DOCK2: variants seen among roughly 807,000 people sequenced by gnomAD.
The protein encoded by DOCK2 is dedicator of cytokinesis 2.
DOCK2 carries 87 observed loss-of-function variants against 248.9 expected under a neutral mutation model. The ratio of observed to expected loss-of-function variants is 0.35; its 90% CI spans 0.29 to 0.42. The LOEUF (loss-of-function observed/expected upper bound fraction) is 0.42. Among genes scored for constraint, DOCK2 ranks in the 10% least tolerant of loss-of-function variants. The pLI is 1.00. For synonymous variants in DOCK2, 805 were observed against 821.6 expected (o/e 0.98, Z 0.35); for missense variants, 1,747 against 2,300.2 (o/e 0.76, Z 4.92).
intron 3 of DOCK2, among the ~76,000 whole-genome samples, chr5:169,670,255 G>A (rs1020568814): frequency 6.6e-6 from 1 of 152,190 alleles, no homozygotes; most frequent in African/African-American, 2.4e-5. Flanking sequence ...AGGATGAGTG[G>A]CCATAATGGG....
chr5:169,669,425 C>T, intron 3 of DOCK2, 97 bp downstream of exon 3: 2 of 1,349,520 alleles, frequency 1.5e-6, no homozygotes, highest in Non-Finnish European at 2.1e-6. Context: ...TGCTCCTCAG[C>T]AAAGGGAATC....
At chr5:169,945,406 A>G (rs996629781) in intron 27 of DOCK2, among the ~76,000 whole-genome samples, 1 of 152,282 alleles carries the variant, frequency 6.6e-6, no homozygotes, top group Admixed American at 6.5e-5. Context: ...CTCAGAGTGA[A>G]AAATCAGTGA....
At chr5:169,890,523 A>G (rs1406047905) in intron 27 of DOCK2, among the ~76,000 whole-genome samples, 4 of 152,204 alleles carry the variant, frequency 2.6e-5, no homozygotes, top group East Asian at 1.9e-4. Context: ...TCCAAATTAT[A>G]TATTCCAAAA....
chr5:169,654,493 C>T lies in DOCK2; in HGVS notation c.127+7C>T, dbSNP rs1314517485. The T allele has an allele frequency of 3.1e-6, 5 of 1,614,028 alleles. No individual in the cohort carries two copies. In the South Asian group the frequency reaches 4.4e-5, roughly 14 times the overall value. ...ATACAGGAGACGTGTGGAGGTGAGT[C>T]ACTGGCCCACGCCCCAAGTGCTGGA... is the stretch of plus-strand genomic sequence containing the variant. On this transcript the variant is annotated splice_region_variant and intron_variant, in intron 2 of 51. Coordinates refer to ENST00000520908, the MANE Select transcript of DOCK2 (RefSeq NM_004946.3).
chr5:169,879,031 G>A (rs922765088), intron 27 of DOCK2, among the ~76,000 whole-genome samples: 2 of 152,164 alleles, frequency 1.3e-5, no homozygotes, highest in African/African-American at 4.8e-5. Context: ...GAAGGAGTTA[G>A]ATAGAACCAG....
chr5:169,810,078 A>G (rs1440876215), intron 26 of DOCK2, among the ~76,000 whole-genome samples: 1 of 151,918 alleles, frequency 6.6e-6, no homozygotes, highest in Admixed American at 6.5e-5. Context: ...CCACCCCAGC[A>G]CAATGCCTGG....
At chr5:169,800,844 T>C (rs992348420) in intron 25 of DOCK2, among the ~76,000 whole-genome samples, 1 of 152,080 alleles carries the variant, frequency 6.6e-6, no homozygotes, top group African/African-American at 2.4e-5. Flanking sequence ...GGACTCAGCA[T>C]GTGCCCCTGG....
chr5:169,838,956 A>T (rs1049999458), intron 26 of DOCK2, among the ~76,000 whole-genome samples: 4 of 152,180 alleles, frequency 2.6e-5, no homozygotes, highest in Non-Finnish European at 1.5e-5. Context: ...CCCTACCCCA[A>T]CTGCAAATCT....
chr5:169,904,702 A>G (rs1177708349), intron 27 of DOCK2, among the ~76,000 whole-genome samples: 1 of 152,170 alleles, frequency 6.6e-6, no homozygotes, highest in Admixed American at 6.5e-5. Context: ...TCTGACAGAT[A>G]CCGAGGGTGG....
intron 36 of DOCK2, among the ~76,000 whole-genome samples, chr5:170,037,070 A>G (rs1407041030): frequency 6.6e-6 from 1 of 152,134 alleles, no homozygotes; most frequent in African/African-American, 2.4e-5. Context: ...TTTTTCTCAG[A>G]ATCTCATATT....
At chr5:169,810,470 C>T (rs1176847691) in intron 26 of DOCK2, among the ~76,000 whole-genome samples, 2 of 152,220 alleles carry the variant, frequency 1.3e-5, no homozygotes, top group Non-Finnish European at 2.9e-5. Context: ...ATCTAAAAGA[C>T]AGAAGGAGCT....
chr5:170,066,374 T>C (rs1224250117), intron 44 of DOCK2, among the ~76,000 whole-genome samples: 3 of 152,188 alleles, frequency 2.0e-5, no homozygotes, highest in African/African-American at 7.2e-5. Context: ...TAAACACATA[T>C]ACACCCAATG....
At chr5:169,955,617 C>T (rs868163830) in intron 27 of DOCK2, among the ~76,000 whole-genome samples, 20 of 152,126 alleles carry the variant, frequency 1.3e-4, no homozygotes, top group East Asian at 3.9e-4. Flanking sequence ...TTCTGAGGAC[C>T]GTGTATGAAG....
chr5:169,933,141 G>C (rs879085529), intron 27 of DOCK2, among the ~76,000 whole-genome samples: 19 of 152,218 alleles, frequency 1.2e-4, no homozygotes, highest in Non-Finnish European at 2.6e-4. Flanking sequence ...TAAGGAGAAG[G>C]GTGTAGAAAC....
rs559667534 is a variant in DOCK2 at position 170,023,907 on chromosome 5, T to C, written c.3382-3956T>C. Among the ~76,000 whole-genome samples the C allele has an allele frequency of 3.9e-5, 6 of 152,230 alleles. No individual in the cohort carries two copies. In the East Asian group the frequency reaches 1.2e-3, roughly 29 times the overall value. ...ATACTTCTACAGGGCTGGACTCCAA[T>C]CAGAAAACATTCTAGGAGAACAAGA... On this transcript the variant is annotated intron_variant, in intron 33 of 51. Transcript: ENST00000520908.
At position 169,984,506 on chromosome 5, in the gene DOCK2, C is replaced by G. The variant is rs569540131; in HGVS notation, c.2899-1322C>G. ...CATTCTGCTGACGTGGAAACTAGGA[C>G]TTAAAGTGTTGAGGTAGTTTTCCCT... On this transcript the variant is annotated intron_variant, in intron 28 of 51. Transcript: ENST00000520908. Among the ~76,000 whole-genome samples the G allele has an allele frequency of 1.7e-3, 252 of 152,294 alleles. 2 individuals are homozygous for G. The highest frequency in any genetic ancestry group is 5.7e-3 in the African/African-American group (235 of 41,564).
intron 27 of DOCK2, among the ~76,000 whole-genome samples, chr5:169,872,681 A>G (rs6872720): frequency 0.35 from 52,818 of 152,030 alleles, 10,511 homozygotes; most frequent in Non-Finnish European, 0.44. Flanking sequence ...AACCCTCAGA[A>G]AGGGTAGATC....
intron 27 of DOCK2, among the ~76,000 whole-genome samples, chr5:169,951,166 G>C (rs558549367): frequency 6.6e-6 from 1 of 152,278 alleles, no homozygotes; most frequent in South Asian, 2.1e-4. Flanking sequence ...CAGGGATAGA[G>C]TCAGGGCAAG....
intron 17 of DOCK2, among the ~76,000 whole-genome samples, chr5:169,712,573 G>C (rs559719299): frequency 6.6e-6 from 1 of 152,310 alleles, no homozygotes; most frequent in Admixed American, 6.5e-5. Flanking sequence ...ATGTGTAGAG[G>C]ATGTACAATA....
Sources: gnomAD v4.1 joint callset for allele counts (sites outside exome capture counted in the v4.1 genomes callset) on GRCh38, gnomAD v4.1.1 for gene constraint, MANE v1.5 for transcripts, NCBI Gene and HGNC (gene_info 2026-07-23, HGNC 2026-07-21) for gene names.